The following CDH2 variants were observed in gnomAD, a reference collection of about 807,000 sequenced individuals.
CDH2 encodes the protein cadherin 2, also known as cadherin-2.
Under a neutral mutation model 92.0 loss-of-function variants are expected in CDH2, and 17 were observed. The observed-to-expected ratio is 0.18, with a 90% confidence interval of 0.13 to 0.28. CDH2 has a LOEUF of 0.28. CDH2 is among the 10% of genes least tolerant of loss of function. CDH2 has a pLI of 1.00. For synonymous variants in CDH2, 419 were observed against 415.9 expected (o/e 1.01, Z -0.09); for missense variants, 862 against 1,133.1 (o/e 0.76, Z 3.44).
intron 2 of CDH2, among the ~76,000 whole-genome samples, chr18:28,114,494 C>T (rs1279465736): frequency 1.3e-5 from 2 of 152,004 alleles, no homozygotes; most frequent in Admixed American, 6.6e-5. Flanking sequence ...AAAAGTGATT[C>T]AATATTTTAT....
intron 2 of CDH2, among the ~76,000 whole-genome samples, chr18:28,082,554 A>T (rs1259097556): frequency 2.6e-5 from 4 of 152,184 alleles, no homozygotes; most frequent in African/African-American, 9.6e-5. Flanking sequence ...GGTACCCCCC[A>T]TTCAAAAATT....
intron 15 of CDH2, among the ~76,000 whole-genome samples, chr18:27,961,922 G>T (rs1444959405): frequency 6.6e-6 from 1 of 151,692 alleles, no homozygotes; most frequent in Non-Finnish European, 1.5e-5. Flanking sequence ...AAACAGGCTG[G>T]TGAGACCCTG....
intron 2 of CDH2, among the ~76,000 whole-genome samples, chr18:28,140,997 A>G (rs2015944479): frequency 6.6e-6 from 1 of 151,616 alleles, no homozygotes; most frequent in African/African-American, 2.4e-5. Context: ...CTACTAGGAT[A>G]CAATCAAAAT....
intron 2 of CDH2, among the ~76,000 whole-genome samples, chr18:28,034,725 C>G (rs906369935): frequency 1.3e-5 from 2 of 151,744 alleles, no homozygotes; most frequent in African/African-American, 4.8e-5. Flanking sequence ...GCTTTTGAAA[C>G]ACGAAACACA....
At chr18:27,971,109 G>A (rs1033348519) in intron 14 of CDH2, among the ~76,000 whole-genome samples, 1 of 152,170 alleles carries the variant, frequency 6.6e-6, no homozygotes. Flanking sequence ...CGTGGCACAC[G>A]CCTGTAATCC....
At position 27,993,589 on chromosome 18, in the gene CDH2, T is replaced by C. The variant is rs1231569307; in HGVS notation, c.1069A>G (p.Asn357Asp). 1 of 1,613,622 alleles carries C rather than the reference T, an allele frequency of 6.2e-7. No individual in the cohort carries two copies. The highest frequency in any genetic ancestry group is 1.3e-5 in the African/African-American group (1 of 75,054). ...LIIQATDMEG[N>D]PTYGLSNTAT... Reference sequence around the variant, plus strand: ...GTGTTTGAAAGGCCATATGTGGGATTGCCTTCCATGTCTGTAGCTTGAATT... The same window carrying C: ...GTGTTTGAAAGGCCATATGTGGGATCGCCTTCCATGTCTGTAGCTTGAATT... Residue 357 changes from asparagine (N) to aspartate (D), a missense_variant, in exon 8 of 16, where the codon AAT becomes GAT. By Grantham distance (23) the Asn-to-Asp change is conservative (BLOSUM62 1). Transcript: ENST00000269141.
intron 2 of CDH2, among the ~76,000 whole-genome samples, chr18:28,103,866 G>A (rs2015277693): frequency 6.6e-6 from 1 of 151,868 alleles, no homozygotes; most frequent in African/African-American, 2.4e-5. Flanking sequence ...ATTCCATGGT[G>A]TATTATATAT....
In CDH2 at chr18:28,109,461, C is replaced by T. The variant is rs554030091; in HGVS notation, c.172+38212G>A. ...TGCGGTAGTTAAAGAGGAAGATTCA[C>T]TGAACATAATGAAAACTTACAGCTG... On this transcript the variant is annotated intron_variant, in intron 2 of 15. Transcript: ENST00000269141. Among the ~76,000 whole-genome samples, 30 of 152,266 alleles carry T rather than the reference C, an allele frequency of 2.0e-4. No homozygotes were observed. The South Asian group carries it at 5.6e-3, about 28-fold the overall frequency.
intron 1 of CDH2, among the ~76,000 whole-genome samples, chr18:28,164,679 CAT>C (rs1033252104): frequency 1.3e-5 from 2 of 152,078 alleles, no homozygotes; most frequent in Non-Finnish European, 2.9e-5. Context: ...CACACACACA[CAT>C]ACTCCCACAT....
At chr18:28,030,999 A>C (rs17445938) in intron 2 of CDH2, among the ~76,000 whole-genome samples, 5 of 151,714 alleles carry the variant, frequency 3.3e-5, no homozygotes, top group Admixed American at 1.3e-4. Context: ...AGGTAATTTT[A>C]ACCAATCTTA....
At chr18:28,066,510 C>A (rs975719190) in intron 2 of CDH2, among the ~76,000 whole-genome samples, 2 of 152,028 alleles carry the variant, frequency 1.3e-5, no homozygotes, top group East Asian at 3.9e-4. Context: ...TCCAAATAGA[C>A]CCCTTTTCAC....
chr18:28,051,095 T>G (rs191917132), intron 2 of CDH2, among the ~76,000 whole-genome samples: 1 of 152,300 alleles, frequency 6.6e-6, no homozygotes, highest in Admixed American at 6.5e-5. Context: ...AATAGGTAAC[T>G]ATGAACATTT....
rs559644841 is a variant in CDH2 at position 27,998,997 on chromosome 18, G to A, written c.1020+4000C>T. On this transcript the variant is annotated intron_variant, in intron 7 of 15. Transcript: ENST00000269141. ...GAATATCTGCCCCACTGGATGTTGA[G>A]AATGGGAATCCAGATATACTTTCTG... is the stretch of plus-strand genomic sequence containing the variant. Among the ~76,000 whole-genome samples, 165 of 152,310 alleles carry A rather than the reference G, an allele frequency of 1.1e-3. 1 individual carries two copies. The highest frequency in any genetic ancestry group is 2.2e-3 in the Non-Finnish European group (149 of 68,030).
rs138913677 is a variant in CDH2 at position 28,114,583 on chromosome 18, T to C, written c.172+33090A>G. On this transcript the variant is annotated intron_variant, in intron 2 of 15. Transcript: ENST00000269141. Reference sequence around the variant, plus strand: ...AGCAATAAAATGGGCTTTAGTTTCATTTAAATTATGTTCTTCTCCTTTAAA... The same window carrying C: ...AGCAATAAAATGGGCTTTAGTTTCACTTAAATTATGTTCTTCTCCTTTAAA... 4.0e-3 allele frequency among the ~76,000 whole-genome samples: 607 copies of C among 152,316 alleles called. 7 individuals carry two copies. Among genetic ancestry groups the C allele is most frequent in the African/African-American group, 0.014 (589 of 41,574 alleles).
At chr18:28,154,942 T>A (rs1227698302) in intron 1 of CDH2, among the ~76,000 whole-genome samples, 1 of 152,328 alleles carries the variant, frequency 6.6e-6, no homozygotes, top group East Asian at 1.9e-4. Context: ...TTAGTTATCA[T>A]AAACTCTTAA....
intron 1 of CDH2, among the ~76,000 whole-genome samples, chr18:28,149,741 T>C (rs7232172): frequency 0.076 from 11,508 of 152,270 alleles, 1,418 homozygotes; most frequent in African/African-American, 0.26. Flanking sequence ...GGAAAGATTG[T>C]ACAAGTGGCT....
rs1277186495 is a variant in CDH2 at position 28,025,761 on chromosome 18, C to T, written c.173-11852G>A. Among the ~76,000 whole-genome samples the T allele has an allele frequency of 3.3e-5, 5 of 151,684 alleles. No homozygotes were observed. The South Asian group carries it at 1.0e-3, about 31-fold the overall frequency. On this transcript the variant is annotated intron_variant, in intron 2 of 15. Coordinates refer to ENST00000269141, the MANE Select transcript of CDH2 (RefSeq NM_001792.5). ...GTTAGGAAGAATGAGTTTCGTGGTT[C>T]TATTATAACATAGGGTAGCTATGGC...
At chr18:28,159,658 G>GTTTTTTTT (rs775758310) in intron 1 of CDH2, among the ~76,000 whole-genome samples, 1 of 134,932 alleles carries the variant, frequency 7.4e-6, no homozygotes, top group Non-Finnish European at 1.6e-5. Context: ...CAATTTTTTT[G>GTTTTTTTT]TTTTTTTTTT....
chr18:28,167,485 T>A (rs539264344), intron 1 of CDH2, among the ~76,000 whole-genome samples: 1 of 151,646 alleles, frequency 6.6e-6, no homozygotes, highest in African/African-American at 2.4e-5. Flanking sequence ...ACATATGATA[T>A]AAATATAAGA....
Sources: gnomAD v4.1 joint callset for allele counts (sites outside exome capture counted in the v4.1 genomes callset) on GRCh38, gnomAD v4.1.1 for gene constraint, MANE v1.5 for transcripts, NCBI Gene and HGNC (gene_info 2026-07-23, HGNC 2026-07-21) for gene names.